The following PKN2 variants were observed in gnomAD, a reference collection of about 807,000 sequenced individuals.
The protein encoded by PKN2 is serine/threonine-protein kinase N2.
In PKN2, 38 loss-of-function variants were observed where a neutral mutation model predicts 119.1. The ratio of observed to expected loss-of-function variants is 0.32; its 90% CI spans 0.25 to 0.42. The LOEUF (loss-of-function observed/expected upper bound fraction) is 0.42. PKN2 is among the 10% of genes least tolerant of loss of function. The pLI is 1.00. For missense variants in PKN2, 850 were observed against 1,165.1 expected (o/e 0.73, Z 3.94); for synonymous variants, 390 against 384.9 (o/e 1.01, Z -0.15).
chr1:88,784,908 A>C (rs1483621399), intron 7 of PKN2, 84 bp downstream of exon 7: 1 of 659,458 alleles, frequency 1.5e-6, no homozygotes, highest in Non-Finnish European at 2.3e-6. Flanking sequence ...GTTGGACAAA[A>C]CACTTTAAAA....
chr1:88,829,296 T>G (rs1672637250), intron 19 of PKN2: 5 of 613,892 alleles, frequency 8.1e-6, no homozygotes, highest in Non-Finnish European at 1.2e-5. Context: ...TTGAGAGAGA[T>G]ACCTTCACAT....
intron 8 of PKN2, 95 bp downstream of exon 8, chr1:88,786,308 C>T: frequency 1.7e-6 from 1 of 584,110 alleles, no homozygotes; most frequent in Non-Finnish European, 2.9e-6. Flanking sequence ...GTATTCTTAA[C>T]AAGAATAAAA....
chr1:88,738,946 T>TGGGGGG (rs1668465495), intron 1 of PKN2, among the ~76,000 whole-genome samples: 1 of 152,218 alleles, frequency 6.6e-6, no homozygotes, highest in Non-Finnish European at 1.5e-5. Flanking sequence ...GGAAACCAAA[T>TGGGGGG]GGATCGTAGG....
intron 2 of PKN2, among the ~76,000 whole-genome samples, chr1:88,745,740 C>T (rs1668743714): frequency 6.6e-6 from 1 of 152,008 alleles, no homozygotes; most frequent in Admixed American, 6.6e-5. Context: ...AAAAAGAAAT[C>T]CTAAAATTTA....
rs1441297778 is a variant in PKN2, at chr1:88,722,995, AAT to A, written c.49-17989_49-17988del. ...GGTCACCTGGCAGGAGCATCTAACC[AAT>A]ATAGGTGAGATCAAGGATCGCTTTC... On this transcript the variant is annotated intron_variant, in intron 1 of 21. Transcript: ENST00000370521. Among the ~76,000 whole-genome samples, 4 of 152,302 alleles carry A rather than the reference AAT, an allele frequency of 2.6e-5. No individual in the cohort carries two copies. The South Asian group carries it at 8.3e-4, about 32-fold the overall frequency.
At chr1:88,818,530 C>T (rs1672108783) in intron 16 of PKN2, among the ~76,000 whole-genome samples, 1 of 151,870 alleles carries the variant, frequency 6.6e-6, no homozygotes, top group South Asian at 2.1e-4. Context: ...CGCCTGTAAT[C>T]CCAGCTACTC....
chr1:88,687,045 T>A (rs1044056503), intron 1 of PKN2, among the ~76,000 whole-genome samples: 1 of 152,152 alleles, frequency 6.6e-6, no homozygotes, highest in Non-Finnish European at 1.5e-5. Flanking sequence ...AACCTGGCTT[T>A]AATAAAATTG....
In PKN2 at chr1:88,719,642, G is replaced by A. The variant is rs544301716; in HGVS notation, c.49-21346G>A. On this transcript the variant is annotated intron_variant, in intron 1 of 21. Transcript: ENST00000370521. ...TAGATATGCTACTGTGTTTTCTATT[G>A]TGTCTGTGCTTATTTAAAAAATAAC... 3.9e-5 allele frequency among the ~76,000 whole-genome samples: 6 copies of A among 151,956 alleles called. 2 individuals are homozygous for A. Among genetic ancestry groups the A allele is most frequent in the African/African-American group, 1.4e-4 (6 of 41,454 alleles).
At chr1:88,721,113 C>CA (rs1667660458) in intron 1 of PKN2, among the ~76,000 whole-genome samples, 1 of 151,148 alleles carries the variant, frequency 6.6e-6, no homozygotes, top group Non-Finnish European at 1.5e-5. Flanking sequence ...CATATAATGA[C>CA]TTTTTTTTTC....
intron 1 of PKN2, among the ~76,000 whole-genome samples, chr1:88,711,818 A>G (rs2100686826): frequency 6.6e-6 from 1 of 152,176 alleles, no homozygotes; most frequent in South Asian, 2.1e-4. Context: ...AAATTTCAGG[A>G]GGAAGGAACT....
rs1211619866 is a variant in PKN2 at position 88,771,716 on chromosome 1, A to T, written c.822A>T (p.Ser274=). The part of the protein sequence containing the change: ...SSQKLDLLKY[S]LEQRLNEVPK... ...AGAAGTTGGACCTTTTAAAGTATTC[A>T]TTAGAGCAAAGATTAAACGAAGTCC... Residue 274 remains serine (S), a synonymous_variant, in exon 6 of 22, where the codon TCA becomes TCT. Transcript: ENST00000370521. The T allele has an allele frequency of 6.2e-7, 1 of 1,613,942 alleles. No individual in the cohort carries two copies. The highest frequency in any genetic ancestry group is 8.5e-7 in the Non-Finnish European group (1 of 1,179,956).
intron 2 of PKN2, among the ~76,000 whole-genome samples, chr1:88,749,290 T>A (rs915472609): frequency 2.0e-5 from 3 of 151,900 alleles, no homozygotes; most frequent in Non-Finnish European, 4.4e-5. Context: ...AGGTTGCTTG[T>A]TTTACCTTAA....
intron 6 of PKN2, 72 bp downstream of exon 6, chr1:88,771,951 G>T: frequency 2.1e-6 from 2 of 969,960 alleles, no homozygotes; most frequent in Non-Finnish European, 3.2e-6. Context: ...ATAATTGAAA[G>T]AAAAACCTGT....
chr1:88,698,297 C>T (rs545243138), intron 1 of PKN2, among the ~76,000 whole-genome samples: 1 of 152,240 alleles, frequency 6.6e-6, no homozygotes, highest in Non-Finnish European at 1.5e-5. Flanking sequence ...CAGAAGCAAG[C>T]TTTATTTAGC....
intron 15 of PKN2, among the ~76,000 whole-genome samples, chr1:88,808,690 ACAG>A (rs1465321000): frequency 1.6e-4 from 24 of 152,354 alleles, no homozygotes; most frequent in African/African-American, 5.8e-4. Flanking sequence ...CTATCTTAAT[ACAG>A]AATAATTAAA....
intron 8 of PKN2, among the ~76,000 whole-genome samples, chr1:88,787,436 A>G (rs1670626785): frequency 6.6e-6 from 1 of 152,216 alleles, no homozygotes; most frequent in Non-Finnish European, 1.5e-5. Context: ...TTTGTAGTTG[A>G]GGAAACCAAG....
intron 1 of PKN2, among the ~76,000 whole-genome samples, chr1:88,691,581 T>C (rs140259511): frequency 1.3e-5 from 2 of 152,316 alleles, no homozygotes; most frequent in African/African-American, 4.8e-5. Flanking sequence ...TAAGTACTCA[T>C]GGACCACCAC....
chr1:88,781,209 T>TG (rs779825871), intron 6 of PKN2: 677 of 1,221,892 alleles, frequency 5.5e-4, no homozygotes, highest in Non-Finnish European at 4.3e-4. Flanking sequence ...CTATTATTTG[T>TG]GGTTCGTCTC....
intron 1 of PKN2, among the ~76,000 whole-genome samples, chr1:88,711,630 A>T (rs1487372697): frequency 1.3e-5 from 2 of 152,212 alleles, no homozygotes; most frequent in African/African-American, 4.8e-5. Flanking sequence ...CAATTTGGAT[A>T]TATAATGCAT....
Sources: allele counts gnomAD v4.1 joint callset (sites outside exome capture counted in the v4.1 genomes callset), GRCh38; gene constraint gnomAD v4.1.1; transcripts MANE v1.5; gene names NCBI Gene and HGNC (gene_info 2026-07-23, HGNC 2026-07-21).